DHX8: variants seen among roughly 807,000 people sequenced by gnomAD.
DHX8 encodes the protein ATP-dependent RNA helicase DHX8.
Under a neutral mutation model 140.7 loss-of-function variants are expected in DHX8, and 67 were observed. That is an observed-to-expected ratio of 0.48 (90% CI 0.39 to 0.58). DHX8 has a LOEUF of 0.58. DHX8 is among the 20% of genes least tolerant of loss of function. DHX8 has a pLI of 0.00. For missense variants in DHX8, 887 were observed against 1,550.7 expected (o/e 0.57, Z 7.19); for synonymous variants, 533 against 553.2 (o/e 0.96, Z 0.51).
rs1444948053 is a variant in DHX8 at position 43,504,502 on chromosome 17, A to G, written c.1547-142A>G. ...CTTCTATATTCTTTTCTTCACATTA[A>G]TTTGTTTCTTTGAGTACTTTTGATC... On this transcript the variant is annotated intron_variant, in intron 11 of 22. Transcript: ENST00000262415. The G allele has an allele frequency of 5.2e-6, 4 of 764,042 alleles. No homozygotes were observed. The Admixed American group carries it at 7.6e-5, about 14-fold the overall frequency. 47.3% of individuals were successfully genotyped at this position (764,042 alleles called of 1,614,324 possible). A position where few individuals can be genotyped will look rare whatever the true frequency, so the allele number is the denominator to read the frequency against.
chr17:43,491,950 C>T (rs1338058770), intron 4 of DHX8, among the ~76,000 whole-genome samples: 1 of 152,142 alleles, frequency 6.6e-6, no homozygotes, highest in African/African-American at 2.4e-5. Context: ...TGATTAATAT[C>T]TAACTGCCTT....
intron 5 of DHX8, among the ~76,000 whole-genome samples, 167 bp from the exon 6 acceptor site, chr17:43,492,514 C>T (rs1266989052): frequency 1.3e-5 from 2 of 152,160 alleles, no homozygotes; most frequent in Non-Finnish European, 2.9e-5. Flanking sequence ...ATGTTTGTGG[C>T]TCAATTCTTT....
chr17:43,528,707 C>G, downstream of DHX8: 1 of 1,614,150 alleles, frequency 6.2e-7, no homozygotes, highest in Non-Finnish European at 8.5e-7. Context: ...GCCTCGGGCT[C>G]ACACACAAAC....
At chr17:43,542,405 C>A (rs1971570428) in intron 3 of DHX8, among the ~76,000 whole-genome samples, 1 of 152,084 alleles carries the variant, frequency 6.6e-6, no homozygotes, top group Admixed American at 6.5e-5. Flanking sequence ...AAGTCATTTT[C>A]CCCAAGGATT....
downstream of DHX8, among the ~76,000 whole-genome samples, chr17:43,527,491 C>T (rs868660611): frequency 9.9e-5 from 15 of 152,230 alleles, no homozygotes; most frequent in African/African-American, 3.4e-4. Flanking sequence ...GAGGAAGTCC[C>T]AGGAGGGAGA....
At chr17:43,494,809 CTTTT>C (rs368825760) in intron 8 of DHX8, among the ~76,000 whole-genome samples, 4 of 134,574 alleles carry the variant, frequency 3.0e-5, no homozygotes, top group Non-Finnish European at 3.2e-5. Context: ...GTTTTCTTTC[CTTTT>C]TTTTTTTTTT....
Position 43,507,082 on chromosome 17 carries a change from C to T in DHX8, c.1808C>T (p.Ala603Val), listed in dbSNP as rs1413031716. ...GKTTQITQYL[A>V]EAGYTSRGKI... Reference sequence around the variant, plus strand: ...ACAACACAGATCACCCAGTACCTGGCGGAGGCAGGCTACACTTCCAGGGGC... The same window carrying T: ...ACAACACAGATCACCCAGTACCTGGTGGAGGCAGGCTACACTTCCAGGGGC... Residue 603 changes from alanine to valine, a missense_variant, in exon 13 of 23, where the codon GCG becomes GTG. This residue lies in a region of DHX8 where 178 missense variants were observed against 398.5 expected (regional missense o/e 0.45). Coordinates refer to ENST00000262415, the MANE Select transcript of DHX8 (RefSeq NM_004941.3). The T allele has an allele frequency of 6.2e-7, 1 of 1,614,006 alleles. No homozygotes were observed. Among genetic ancestry groups the T allele is most frequent in the Admixed American group, 1.7e-5 (1 of 59,984 alleles).
At chr17:43,542,986 A>G (rs1482163693) in intron 3 of DHX8, among the ~76,000 whole-genome samples, 1 of 152,132 alleles carries the variant, frequency 6.6e-6, no homozygotes, top group Non-Finnish European at 1.5e-5. Context: ...GGGAAGAGAC[A>G]GGAGAGGAGG....
chr17:43,522,272 A>G (rs765136100), intron 22 of DHX8, 46 bp downstream of exon 22: 18 of 1,555,444 alleles, frequency 1.2e-5, no homozygotes, highest in Non-Finnish European at 1.6e-5. Context: ...TGGGCAGAGA[A>G]AAACCTGTAA....
At chr17:43,500,183 C>A (rs1471999600) in intron 11 of DHX8, 80 bp downstream of exon 11, 2 of 1,493,770 alleles carry the variant, frequency 1.3e-6, no homozygotes, top group African/African-American at 2.8e-5. Flanking sequence ...ACTCCCGGCA[C>A]ACACTAAAAA....
chr17:43,503,595 G>T (rs569172590), intron 11 of DHX8, among the ~76,000 whole-genome samples: 47 of 152,208 alleles, frequency 3.1e-4, no homozygotes, highest in African/African-American at 1.1e-3. Flanking sequence ...AGCCCAGGAG[G>T]TGGAGGTTGC....
At position 43,490,475 on chromosome 17, in the gene DHX8, T is replaced by G. The variant is rs748156743; in HGVS notation, c.307+12T>G. 2 of 1,609,610 alleles carry G rather than the reference T, an allele frequency of 1.2e-6. No individual in the cohort carries two copies. Among genetic ancestry groups the G allele is most frequent in the Admixed American group, 3.4e-5 (2 of 59,532 alleles). On this transcript the variant is annotated intron_variant, in intron 3 of 22. Coordinates refer to ENST00000262415, the MANE Select transcript of DHX8 (RefSeq NM_004941.3). ...TTCCACTAGCAAAGGTAAGCAGAGC[T>G]TCCAGCTGAGCTTAGCTTCTAGAAT...
chr17:43,526,596 T>A, downstream of DHX8: 1 of 1,535,656 alleles, frequency 6.5e-7, no homozygotes, highest in Non-Finnish European at 8.7e-7. Context: ...GGTGACTTGT[T>A]AATGAACAGT....
chr17:43,534,769 A>G (rs542872851), intron 2 of DHX8, among the ~76,000 whole-genome samples: 14 of 151,810 alleles, frequency 9.2e-5, no homozygotes, highest in Non-Finnish European at 1.9e-4. Flanking sequence ...GAGAAACCCC[A>G]TCTCTACTAA....
At chr17:43,494,593 C>T (rs79934399) in intron 8 of DHX8, among the ~76,000 whole-genome samples, 31,515 of 150,598 alleles carry the variant, frequency 0.21, 3,701 homozygotes, top group East Asian at 0.32. Flanking sequence ...TCATGGTGCG[C>T]GCCTATAATC....
chr17:43,486,191 CAAAAA>C (rs199805080), intron 1 of DHX8, among the ~76,000 whole-genome samples: 1 of 91,938 alleles, frequency 1.1e-5, no homozygotes, highest in Non-Finnish European at 2.3e-5. Context: ...GACTTTATTT[CAAAAA>C]AAAAAAAAAA....
intron 9 of DHX8, among the ~76,000 whole-genome samples, chr17:43,496,705 A>G (rs1968881634): frequency 2.6e-5 from 4 of 152,056 alleles, no homozygotes; most frequent in Middle Eastern, 3.4e-3. Context: ...GCTTGAACCC[A>G]GGAGACGGAG....
At chr17:43,487,479 G>A (rs1291063838) in intron 1 of DHX8, among the ~76,000 whole-genome samples, 1 of 152,032 alleles carries the variant, frequency 6.6e-6, no homozygotes, top group African/African-American at 2.4e-5. Flanking sequence ...GTCTACTCCC[G>A]AGTAGCTAGG....
At chr17:43,496,979 T>C (rs1373057593) in intron 9 of DHX8, among the ~76,000 whole-genome samples, 1 of 152,176 alleles carries the variant, frequency 6.6e-6, no homozygotes, top group South Asian at 2.1e-4. Flanking sequence ...TAACTTATAT[T>C]GTAGTAGTAA....
Sources: gnomAD v4.1 joint callset for allele counts (sites outside exome capture counted in the v4.1 genomes callset) on GRCh38, gnomAD v4.1.1 for gene constraint, gnomAD v4.1.1 regional missense constraint, MANE v1.5 for transcripts, NCBI Gene and HGNC (gene_info 2026-07-23, HGNC 2026-07-21) for gene names.